NEO1: variants seen among roughly 807,000 people sequenced by gnomAD.
The protein encoded by NEO1 is neogenin.
NEO1 carries 63 observed loss-of-function variants against 159.7 expected under a neutral mutation model. That is an observed-to-expected ratio of 0.39 (90% confidence interval 0.32 to 0.49). The LOEUF (loss-of-function observed/expected upper bound fraction) is 0.49, where lower values mean the gene tolerates loss of function less well. NEO1 is among the 20% of genes least tolerant of loss of function. The probability of loss-of-function intolerance (pLI) is 0.85; values close to 1 mark genes in which losing one functional copy is unlikely to be tolerated. For missense variants in NEO1, 1,615 were observed against 1,831.0 expected, an observed-to-expected ratio of 0.88 and a Z score of 2.15; for synonymous variants, 633 against 662.0, an observed-to-expected ratio of 0.96 and a Z score of 0.67.
Position 73,269,965 on chromosome 15 carries a change from T to C in NEO1, c.2495-45T>C, listed in dbSNP as rs753126667. 4 of 1,448,804 alleles carry C rather than the reference T, an allele frequency of 2.8e-6. No homozygotes were observed. In the Admixed American group the frequency reaches 6.8e-5, roughly 25 times the overall value. 89.7% of individuals were successfully genotyped at this position (1,448,804 alleles called of 1,614,324 possible). ...CATTTCCCTTTTATTTTATTTTTGT[T>C]TACATTAAAATGCCACTTCCCTTTT... On this transcript the variant is annotated intron_variant, in intron 16 of 28. Transcript: ENST00000261908.
chr15:73,066,800 G>A (rs1372121590), intron 1 of NEO1, among the ~76,000 whole-genome samples: 1 of 152,190 alleles, frequency 6.6e-6, no homozygotes, highest in Non-Finnish European at 1.5e-5. Context: ...TCTGTCGAAA[G>A]CTATGCTCAT....
chr15:73,287,578 T>C (rs946737242), intron 23 of NEO1, among the ~76,000 whole-genome samples: 2 of 152,172 alleles, frequency 1.3e-5, no homozygotes, highest in African/African-American at 4.8e-5. Context: ...AGTCCTAGTT[T>C]GGCAGTCTTC....
At chr15:73,282,897 G>T in intron 22 of NEO1, 67 bp from the exon 23 acceptor site, 1 of 1,550,916 alleles carries the variant, frequency 6.4e-7, no homozygotes. Context: ...TAATGGTTCT[G>T]TAGCTTGATA....
intron 8 of NEO1, among the ~76,000 whole-genome samples, chr15:73,243,517 G>T (rs553518125): frequency 6.6e-5 from 10 of 152,260 alleles, no homozygotes; most frequent in African/African-American, 2.2e-4. Context: ...CACAATATTT[G>T]TTGAAAACTC....
At chr15:73,186,170 G>GAA (rs553588641) in intron 7 of NEO1, among the ~76,000 whole-genome samples, 4 of 139,896 alleles carry the variant, frequency 2.9e-5, no homozygotes, top group South Asian at 2.3e-4. Context: ...CTTTTTGCCA[G>GAA]AAAAAAAAAA....
At chr15:73,093,620 C>G (rs551827218) in intron 1 of NEO1, among the ~76,000 whole-genome samples, 1 of 151,372 alleles carries the variant, frequency 6.6e-6, no homozygotes, top group African/African-American at 2.4e-5. Context: ...GTCACCCAGG[C>G]TGGAGTGCAG....
rs1358448731 is a variant in NEO1, at chr15:73,228,654, TG to T, written c.1292-7692del. ...ATTTATCAGGGCATACTTTCTTTTA[TG>T]TCTTGTGCGTTTGATGTAACGTATA... On this transcript the variant is annotated intron_variant, in intron 7 of 28. Coordinates refer to ENST00000261908, the MANE Select transcript of NEO1 (RefSeq NM_002499.4). 5.9e-5 allele frequency among the ~76,000 whole-genome samples: 9 copies of T among 152,200 alleles called. No individual in the cohort carries two copies. The East Asian group carries it at 1.7e-3, about 29-fold the overall frequency.
chr15:73,250,676 G>A, intron 11 of NEO1, among the ~76,000 whole-genome samples: 1 of 151,964 alleles, frequency 6.6e-6, no homozygotes, highest in East Asian at 1.9e-4. Flanking sequence ...AACTGACTTG[G>A]ATTCTTAAAA....
At chr15:73,295,900 C>CT (rs2042345839) in intron 26 of NEO1, among the ~76,000 whole-genome samples, 2 of 152,182 alleles carry the variant, frequency 1.3e-5, no homozygotes, top group African/African-American at 4.8e-5. Flanking sequence ...TGTCTTAACT[C>CT]TTTAAGAGGC....
intron 11 of NEO1, 27 bp from the exon 12 acceptor site, chr15:73,253,373 A>AT (rs747030708): frequency 0.064 from 71,221 of 1,113,764 alleles, 49 homozygotes; most frequent in Non-Finnish European, 0.068. Flanking sequence ...TAAAAAAAAA[A>AT]TTTTTTTTTT....
intron 7 of NEO1, among the ~76,000 whole-genome samples, chr15:73,192,984 C>T (rs1596309474): frequency 6.6e-6 from 1 of 151,870 alleles, no homozygotes; most frequent in African/African-American, 2.4e-5. Context: ...CTACCTTGTT[C>T]AAGGTAGTTA....
Position 73,062,454 on chromosome 15 carries a change from G to T in NEO1, c.130+9649G>T, listed in dbSNP as rs372996965. ...TGTCAAAACTTCCATAGCTGCTTGTGGTTCTTAACTTAGTGATAAGCAAAC... is the reference window on the plus strand; with the variant it reads ...TGTCAAAACTTCCATAGCTGCTTGTTGTTCTTAACTTAGTGATAAGCAAAC... On this transcript the variant is annotated intron_variant, in intron 1 of 28. Transcript: ENST00000261908. 1.4e-4 allele frequency among the ~76,000 whole-genome samples: 21 copies of T among 152,192 alleles called. No homozygotes were observed. In the East Asian group the frequency reaches 3.7e-3, roughly 27 times the overall value.
chr15:73,079,537 G>A (rs924696092), intron 1 of NEO1, among the ~76,000 whole-genome samples: 1 of 151,986 alleles, frequency 6.6e-6, no homozygotes, highest in African/African-American at 2.4e-5. Context: ...CAATTAGTAT[G>A]GGAAAATATT....
intron 1 of NEO1, among the ~76,000 whole-genome samples, chr15:73,059,487 A>G (rs190354128): frequency 6.2e-4 from 95 of 152,314 alleles, no homozygotes; most frequent in African/African-American, 2.2e-3. Context: ...GGCTGGTTGC[A>G]AACGTTTATC....
intron 25 of NEO1, 38 bp downstream of exon 25, chr15:73,289,276 C>G (rs1371978874): frequency 6.5e-7 from 1 of 1,545,202 alleles, no homozygotes; most frequent in Non-Finnish European, 8.9e-7. Flanking sequence ...TGCTACCAAT[C>G]TGTTCAGTCA....
At chr15:73,063,913 T>C (rs2068088227) in intron 1 of NEO1, among the ~76,000 whole-genome samples, 1 of 152,212 alleles carries the variant, frequency 6.6e-6, no homozygotes, top group African/African-American at 2.4e-5. Flanking sequence ...TAAGACTTCA[T>C]TTATTTCCTG....
chr15:73,054,850 C>T (rs906739413), intron 1 of NEO1, among the ~76,000 whole-genome samples: 2 of 152,190 alleles, frequency 1.3e-5, no homozygotes, highest in Non-Finnish European at 2.9e-5. Context: ...CTGGAACAAG[C>T]TGTCCGCAAA....
rs1217818741 is a variant in NEO1 at position 73,169,932 on chromosome 15, G to A, written c.1016-6471G>A. Among the ~76,000 whole-genome samples the A allele has an allele frequency of 2.6e-5, 4 of 152,078 alleles. No homozygotes were observed. In the East Asian group the frequency reaches 7.7e-4, roughly 29 times the overall value. On this transcript the variant is annotated intron_variant, in intron 5 of 28. Coordinates refer to ENST00000261908, the MANE Select transcript of NEO1 (RefSeq NM_002499.4). The stretch of plus-strand genomic sequence containing the variant: ...AATAAATCATAAATTTACCAGTAGG[G>A]TAAAGGAGGAAATAGGATGAGAGAA...
chr15:73,246,759 A>T lies in NEO1; in HGVS notation c.1606+2261A>T, dbSNP rs901882699. Reference sequence around the variant, plus strand: ...CATGAAAATAAATATTTGTGTCTGTACATATTCACATTTCCCTTGGAAAGG... The same window carrying T: ...CATGAAAATAAATATTTGTGTCTGTTCATATTCACATTTCCCTTGGAAAGG... On this transcript the variant is annotated intron_variant, in intron 9 of 28. Coordinates refer to ENST00000261908, the MANE Select transcript of NEO1 (RefSeq NM_002499.4). Among the ~76,000 whole-genome samples the T allele has an allele frequency of 2.0e-4, 31 of 152,218 alleles. 1 individual carries two copies. Among genetic ancestry groups the T allele is most frequent in the African/African-American group, 5.8e-4 (24 of 41,466 alleles).
Sources: gnomAD v4.1 joint callset for allele counts (sites outside exome capture counted in the v4.1 genomes callset) on GRCh38, gnomAD v4.1.1 for gene constraint, MANE v1.5 for transcripts, NCBI Gene and HGNC (gene_info 2026-07-23, HGNC 2026-07-21) for gene names.